Variants in SHPRH observed in about 807,000 individuals in gnomAD.
The protein encoded by SHPRH is E3 ubiquitin-protein ligase SHPRH.
In SHPRH, 106 loss-of-function variants were observed where a neutral mutation model predicts 202.5. The ratio of observed to expected loss-of-function variants is 0.52; its 90% CI spans 0.45 to 0.62. SHPRH has a LOEUF of 0.62. Ranked by LOEUF, SHPRH falls within the 20% of genes least tolerant of loss-of-function variation. The pLI, the probability that SHPRH is intolerant of heterozygous loss-of-function variation, is 0.00. For missense variants in SHPRH, 1,710 were observed against 2,020.0 expected (o/e 0.85, Z 2.94); for synonymous variants, 729 against 686.0 (o/e 1.06, Z -0.98).
intron 2 of SHPRH, among the ~76,000 whole-genome samples, chr6:145,867,631 T>TATATATATATAGAGAGAGAGAG (rs1554220329): frequency 4.5e-5 from 1 of 22,316 alleles, no homozygotes; most frequent in African/African-American, 2.2e-4. Flanking sequence ...TATATATATA[T>TATATATATATAGAGAGAGAGAG]AGAGAGAGAG....
rs574228693 is a variant in SHPRH, at chr6:145,954,592, C to T, written c.633+98G>A. The stretch of plus-strand genomic sequence containing the variant: ...TACTTTGAAACTTAACAATGAAAGG[C>T]TTATTGCTGGCTTTTCAGACTTCTC... On this transcript the variant is annotated intron_variant, in intron 2 of 29. Coordinates refer to ENST00000275233, the MANE Select transcript of SHPRH (RefSeq NM_001042683.3). 53 of 1,270,152 alleles carry T rather than the reference C, an allele frequency of 4.2e-5. No individual in the cohort carries two copies. In the East Asian group the frequency reaches 1.1e-3, roughly 27 times the overall value. 78.7% of individuals were successfully genotyped at this position (1,270,152 alleles called of 1,614,324 possible).
intron 13 of SHPRH, among the ~76,000 whole-genome samples, chr6:145,933,630 C>T (rs1046191785): frequency 1.3e-5 from 2 of 152,260 alleles, no homozygotes; most frequent in East Asian, 1.9e-4. Flanking sequence ...AAATTGTTTT[C>T]GGACTCTAAC....
chr6:145,874,980 C>T (rs1450955195), intron 2 of SHPRH, among the ~76,000 whole-genome samples: 1 of 152,122 alleles, frequency 6.6e-6, no homozygotes, highest in Admixed American at 6.6e-5. Context: ...AGATTAGCAT[C>T]CCAAATCCCA....
At chr6:145,922,490 T>C (rs993725638) in intron 19 of SHPRH, 142 bp from the exon 20 acceptor site, 3 of 1,234,052 alleles carry the variant, frequency 2.4e-6, no homozygotes, top group African/African-American at 1.6e-5. Flanking sequence ...TGGTTTTTCA[T>C]ACCTTGTCCT....
chr6:145,876,757 T>C (rs1313782321), intron 2 of SHPRH: 1 of 152,236 alleles, frequency 6.6e-6, no homozygotes, highest in African/African-American at 2.4e-5. Flanking sequence ...GATGTAACTG[T>C]ATTTAAAGAT....
chr6:145,957,815 C>T (rs748998517), intron 1 of SHPRH, among the ~76,000 whole-genome samples: 1 of 152,138 alleles, frequency 6.6e-6, no homozygotes, highest in East Asian at 1.9e-4. Flanking sequence ...GCCTAGTAAT[C>T]CCTCTCTTAG....
chr6:145,945,580 G>T lies in SHPRH; in HGVS notation c.1379C>A (p.Ser460Tyr). 1 of 1,612,688 alleles carries T rather than the reference G, an allele frequency of 6.2e-7. No individual in the cohort carries two copies. The highest frequency in any genetic ancestry group is 8.5e-7 in the Non-Finnish European group (1 of 1,179,420). The change falls in exon 8 of 30, where the codon TCC (serine) becomes TAC (tyrosine). Residue 460 changes from serine (S) to tyrosine (Y), a missense_variant. This residue lies in a region of SHPRH where 348 missense variants were observed against 356.9 expected (regional missense o/e 0.97). Transcript: ENST00000275233. ...VKEMNGKKGV[S>Y]ILSIYKYVSS... ...GACATACTTATAGATGGAAAGGATG[G>T]ACACTCCTTTTTTTCCATTCATTTC...
chr6:145,908,287 G>A (rs1452831615), intron 25 of SHPRH: 1 of 152,088 alleles, frequency 6.6e-6, no homozygotes, highest in Non-Finnish European at 1.5e-5. Context: ...TGCAGTAATG[G>A]GATTGCTGGG....
intron 24 of SHPRH, among the ~76,000 whole-genome samples, chr6:145,912,266 GA>G (rs10712754): frequency 0.027 from 4,028 of 149,742 alleles, 188 homozygotes; most frequent in African/African-American, 0.093. Context: ...ATCCAAAAAG[GA>G]AAAAAAAATA....
intron 9 of SHPRH, among the ~76,000 whole-genome samples, chr6:145,942,382 T>C (rs1786883599): frequency 6.6e-6 from 1 of 152,154 alleles, no homozygotes. Context: ...ATCCCACACA[T>C]AAGAAAAATA....
chr6:145,928,434 T>C (rs890232513), intron 14 of SHPRH, among the ~76,000 whole-genome samples: 2 of 151,832 alleles, frequency 1.3e-5, no homozygotes, highest in African/African-American at 4.8e-5. Context: ...GCTGAGAAAG[T>C]TTTTTTCCTA....
At chr6:145,869,263 G>A (rs933053378) in intron 2 of SHPRH, among the ~76,000 whole-genome samples, 5 of 152,076 alleles carry the variant, frequency 3.3e-5, no homozygotes, top group African/African-American at 7.2e-5. Context: ...TCAGATATGC[G>A]TTTTGAAAAT....
Position 145,878,396 on chromosome 6 carries a change from G to A in SHPRH, c.221+9624C>T, listed in dbSNP as rs78212473. 3.1e-3 allele frequency among the ~76,000 whole-genome samples: 477 copies of A among 152,200 alleles called. 4 individuals carry two copies. Among genetic ancestry groups the A allele is most frequent in the African/African-American group, 0.011 (456 of 41,524 alleles). On this transcript the variant is annotated intron_variant, in intron 2 of 2. Coordinates refer to the SHPRH transcript ENST00000417762. ...AATGTGTAATGACATATATCCACCCGTGTAGTAGCATACAGAAGGCTCACT... is the reference window on the plus strand; with the variant it reads ...AATGTGTAATGACATATATCCACCCATGTAGTAGCATACAGAAGGCTCACT...
chr6:145,861,428 C>CAA (rs201603216), downstream of SHPRH, among the ~76,000 whole-genome samples: 1 of 131,732 alleles, frequency 7.6e-6, no homozygotes, highest in African/African-American at 2.8e-5. Context: ...TGGCTATTAT[C>CAA]AAAAAAAAAA....
chr6:145,931,094 T>C (rs1479003556), intron 14 of SHPRH, among the ~76,000 whole-genome samples: 2 of 152,152 alleles, frequency 1.3e-5, no homozygotes, highest in Admixed American at 6.5e-5. Flanking sequence ...AACATATCTT[T>C]TTTCATCCTC....
At chr6:145,938,852 C>T (rs935935024) in intron 11 of SHPRH, among the ~76,000 whole-genome samples, 1 of 152,064 alleles carries the variant, frequency 6.6e-6, no homozygotes, top group African/African-American at 2.4e-5. Flanking sequence ...TAGGGTGTGG[C>T]GGGTGGAAGG....
At chr6:145,879,571 A>C (rs929334923) in intron 2 of SHPRH, among the ~76,000 whole-genome samples, 13 of 152,100 alleles carry the variant, frequency 8.5e-5, no homozygotes, top group Admixed American at 3.3e-4. Context: ...TTTCTCATGG[A>C]TAATCAAAAC....
intron 9 of SHPRH, 107 bp downstream of exon 9, chr6:145,943,036 T>C (rs1166773676): frequency 7.0e-6 from 9 of 1,286,160 alleles, no homozygotes; most frequent in Non-Finnish European, 9.6e-6. Context: ...TATTAAATCA[T>C]TCAGTTAGTT....
chr6:145,902,228 G>A (rs1282461925), intron 25 of SHPRH, among the ~76,000 whole-genome samples: 2 of 152,092 alleles, frequency 1.3e-5, no homozygotes, highest in Non-Finnish European at 2.9e-5. Flanking sequence ...AGCACCAAAG[G>A]CCAATAAAGA....
Sources: gnomAD v4.1 joint callset for allele counts (sites outside exome capture counted in the v4.1 genomes callset) on GRCh38, gnomAD v4.1.1 for gene constraint, gnomAD v4.1.1 regional missense constraint, MANE v1.5 for transcripts, NCBI Gene and HGNC (gene_info 2026-07-23, HGNC 2026-07-21) for gene names.